FRY: variants seen among roughly 807,000 people sequenced by gnomAD.
The protein encoded by FRY is FRY microtubule binding protein.
A neutral mutation model predicts 348.4 loss-of-function variants in FRY; 128 were observed. That is an observed-to-expected ratio of 0.37 (90% CI 0.32 to 0.43). The LOEUF (loss-of-function observed/expected upper bound fraction) is 0.43, where lower values mean the gene tolerates loss of function less well. Ranked by LOEUF, FRY falls within the 20% of genes least tolerant of loss-of-function variation. The probability of loss-of-function intolerance (pLI) is 1.00; values close to 1 mark genes in which losing one functional copy is unlikely to be tolerated. For synonymous variants in FRY, 1,370 were observed against 1,374.7 expected (o/e 1.00, Z 0.08); for missense variants, 2,736 against 3,695.2 (o/e 0.74, Z 6.73).
At chr13:32,068,752 G>A (rs911759656) in intron 1 of FRY, among the ~76,000 whole-genome samples, 1 of 152,186 alleles carries the variant, frequency 6.6e-6, no homozygotes, top group Admixed American at 6.5e-5. Flanking sequence ...AGTAAGCAAA[G>A]AACTGTGCCT....
chr13:32,138,273 G>A (rs952793841), intron 11 of FRY, among the ~76,000 whole-genome samples: 6 of 151,908 alleles, frequency 3.9e-5, no homozygotes, highest in African/African-American at 1.5e-4. Context: ...TACACAGATA[G>A]GAAATAGTCA....
intron 17 of FRY, among the ~76,000 whole-genome samples, chr13:32,165,557 T>G (rs1317434254): frequency 6.6e-6 from 1 of 152,230 alleles, no homozygotes; most frequent in Non-Finnish European, 1.5e-5. Context: ...TTGGAAATCC[T>G]TGTCTGCTGG....
chr13:32,224,889 A>G (rs1354702660), intron 37 of FRY, 44 bp from the exon 38 acceptor site: 5 of 1,108,120 alleles, frequency 4.5e-6, no homozygotes, highest in South Asian at 3.7e-5. Context: ...TAGTATTTCC[A>G]TCCCCTTCAG....
chr13:32,044,206 GA>G (rs964004743), intron 1 of FRY, among the ~76,000 whole-genome samples: 28 of 151,906 alleles, frequency 1.8e-4, no homozygotes, highest in Non-Finnish European at 3.2e-4. Context: ...GATACCAAAA[GA>G]AAAAAATGTT....
intron 12 of FRY, among the ~76,000 whole-genome samples, chr13:32,147,606 G>T (rs204572): frequency 0.45 from 68,321 of 151,996 alleles, 15,957 homozygotes; most frequent in African/African-American, 0.57. Flanking sequence ...TCCACTTCCA[G>T]AGTTGCATTT....
chr13:32,166,960 G>A (rs552839356), intron 17 of FRY, among the ~76,000 whole-genome samples: 115 of 152,182 alleles, frequency 7.6e-4, no homozygotes, highest in Admixed American at 1.3e-3. Flanking sequence ...AAGAGACATG[G>A]CCACCAAGAA....
intron 11 of FRY, among the ~76,000 whole-genome samples, chr13:32,143,426 A>G (rs767119574): frequency 6.6e-6 from 1 of 152,230 alleles, no homozygotes; most frequent in Non-Finnish European, 1.5e-5. Context: ...AATAATCTCA[A>G]AAATGTTCTT....
chr13:32,260,765 A>G (rs747182361), intron 51 of FRY, among the ~76,000 whole-genome samples: 81 of 152,030 alleles, frequency 5.3e-4, no homozygotes, highest in Non-Finnish European at 1.0e-3. Context: ...GGTTGCCGCA[A>G]GCTGAGATCG....
intron 2 of FRY, among the ~76,000 whole-genome samples, chr13:32,082,220 T>TA (rs1471505338): frequency 7.0e-5 from 5 of 71,068 alleles, no homozygotes; most frequent in South Asian, 5.2e-4. Context: ...ATAGCCAACT[T>TA]TAAAAAAAAA....
intron 18 of FRY, among the ~76,000 whole-genome samples, chr13:32,172,709 GAGGCTAACCCCAGAGATGA>G: frequency 6.6e-6 from 1 of 152,276 alleles, no homozygotes; most frequent in East Asian, 1.9e-4. Context: ...GGATTCCTTA[GAGGCTAACCCCAGAGATGA>G]CATTCAGCTC....
chr13:32,281,732 G>A (rs1383975675), intron 58 of FRY, among the ~76,000 whole-genome samples: 2 of 152,244 alleles, frequency 1.3e-5, no homozygotes, highest in Non-Finnish European at 2.9e-5. Context: ...GGAGTCTGTG[G>A]TTGATCTGGA....
chr13:32,143,384 C>T (rs1880203960), intron 11 of FRY, among the ~76,000 whole-genome samples: 2 of 152,150 alleles, frequency 1.3e-5, no homozygotes, highest in South Asian at 4.1e-4. Flanking sequence ...CCTAAGTTTG[C>T]TACTTTGCTT....
intron 57 of FRY, 97 bp from the exon 58 acceptor site, chr13:32,278,368 T>C: frequency 1.3e-6 from 1 of 765,868 alleles, no homozygotes; most frequent in Non-Finnish European, 2.4e-6. Flanking sequence ...TTTACTATTA[T>C]TAGAACTTTA....
At chr13:32,294,650 C>G in intron 60 of FRY, 80 bp downstream of exon 60, 3 of 1,060,332 alleles carry the variant, frequency 2.8e-6, no homozygotes, top group Non-Finnish European at 2.9e-6. Flanking sequence ...GAGTCTAGCC[C>G]ACTACGGAAG....
intron 60 of FRY, among the ~76,000 whole-genome samples, 156 bp from the exon 61 acceptor site, chr13:32,295,046 A>C (rs188723875): frequency 6.6e-6 from 1 of 152,290 alleles, no homozygotes; most frequent in East Asian, 1.9e-4. Flanking sequence ...AAACCCACTG[A>C]ATTGTTTACC....
chr13:32,274,503 G>C (rs1593836181), intron 55 of FRY, among the ~76,000 whole-genome samples: 1 of 150,704 alleles, frequency 6.6e-6, no homozygotes. Flanking sequence ...GTCAGATCGA[G>C]ACCATCCTGG....
chr13:32,088,066 A>T (rs1440706303), intron 2 of FRY, among the ~76,000 whole-genome samples: 1 of 152,180 alleles, frequency 6.6e-6, no homozygotes, highest in Non-Finnish European at 1.5e-5. Context: ...ATGTCTGTTG[A>T]CTAAGGATGT....
intron 28 of FRY, among the ~76,000 whole-genome samples, 161 bp from the exon 29 acceptor site, chr13:32,193,982 G>A (rs1159416933): frequency 2.0e-5 from 3 of 152,090 alleles, no homozygotes; most frequent in Admixed American, 6.5e-5. Flanking sequence ...TTTCAGTTAC[G>A]ACATTATACT....
intron 4 of FRY, among the ~76,000 whole-genome samples, chr13:32,120,943 A>G (rs1325807217): frequency 6.6e-6 from 1 of 152,230 alleles, no homozygotes; most frequent in Admixed American, 6.5e-5. Context: ...TACAGGCGTG[A>G]GCCACCATGC....
Sources: gnomAD v4.1 joint callset for allele counts (sites outside exome capture counted in the v4.1 genomes callset) on GRCh38, gnomAD v4.1.1 for gene constraint, MANE v1.5 for transcripts, NCBI Gene and HGNC (gene_info 2026-07-23, HGNC 2026-07-21) for gene names.